Variants in SYNPR observed in about 807,000 individuals in gnomAD.
SYNPR encodes the protein synaptoporin.
Under a neutral mutation model 32.9 loss-of-function variants are expected in SYNPR, and 23 were observed. The observed-to-expected ratio is 0.70, with a 90% CI of 0.50 to 0.99. The LOEUF (loss-of-function observed/expected upper bound fraction) is 0.99. Ranked by LOEUF, SYNPR falls within the 50% of genes least tolerant of loss-of-function variation. The pLI is 0.00. For missense variants in SYNPR, 318 were observed against 349.3 expected, an observed-to-expected ratio of 0.91 and a Z score of 0.71; for synonymous variants, 146 against 135.9, an observed-to-expected ratio of 1.07 and a Z score of -0.52.
chr3:63,306,535 T>G (rs79873294), intron 2 of SYNPR, among the ~76,000 whole-genome samples: 3 of 115,958 alleles, frequency 2.6e-5, no homozygotes, highest in African/African-American at 9.8e-5. Flanking sequence ...TTACCAGTGA[T>G]TAAAAAAAAA....
At chr3:63,597,250 A>C (rs557402627) in intron 4 of SYNPR, among the ~76,000 whole-genome samples, 6 of 152,272 alleles carry the variant, frequency 3.9e-5, no homozygotes, top group African/African-American at 1.2e-4. Flanking sequence ...TCATTTTTAA[A>C]ATTTAAATAA....
intron 3 of SYNPR, among the ~76,000 whole-genome samples, chr3:63,506,284 T>A (rs187418198): frequency 2.0e-5 from 3 of 152,200 alleles, no homozygotes; most frequent in Non-Finnish European, 4.4e-5. Flanking sequence ...AGGTGACTGA[T>A]GGAGTACATA....
At chr3:63,499,623 CAA>C (rs1483735456) in intron 3 of SYNPR, among the ~76,000 whole-genome samples, 1 of 152,114 alleles carries the variant, frequency 6.6e-6, no homozygotes, top group Non-Finnish European at 1.5e-5. Context: ...ATCAGAGGAA[CAA>C]AGACACCTTG....
intron 2 of SYNPR, among the ~76,000 whole-genome samples, chr3:63,469,571 T>C (rs1196173834): frequency 6.6e-6 from 1 of 152,190 alleles, no homozygotes; most frequent in East Asian, 1.9e-4. Flanking sequence ...GTCAGAGAAA[T>C]GGTGTCAGCT....
chr3:63,602,570 C>T (rs927117316), intron 4 of SYNPR, among the ~76,000 whole-genome samples: 1 of 152,142 alleles, frequency 6.6e-6, no homozygotes, highest in African/African-American at 2.4e-5. Flanking sequence ...ATAGGGCTAG[C>T]CAGTTATCCT....
At chr3:63,334,892 T>C (rs1376113117) in intron 2 of SYNPR, among the ~76,000 whole-genome samples, 2 of 152,218 alleles carry the variant, frequency 1.3e-5, no homozygotes, top group Non-Finnish European at 2.9e-5. Flanking sequence ...CAGATACTTT[T>C]AAAACCTGAT....
At chr3:63,286,603 G>A (rs1225914081) in intron 2 of SYNPR, among the ~76,000 whole-genome samples, 1 of 152,212 alleles carries the variant, frequency 6.6e-6, no homozygotes, top group Non-Finnish European at 1.5e-5. Context: ...AAGAAAAACA[G>A]TCATGTGCTA....
At chr3:63,264,936 A>G (rs2086471046) in intron 2 of SYNPR, among the ~76,000 whole-genome samples, 1 of 150,880 alleles carries the variant, frequency 6.6e-6, no homozygotes, top group Non-Finnish European at 1.5e-5. Flanking sequence ...TGGGGGAGCC[A>G]TGATTCAATT....
Position 63,323,876 on chromosome 3 carries a change from G to A in SYNPR, c.84+45134G>A, listed in dbSNP as rs574931925. ...CATTTAATACTCACAACATTCCCAT[G>A]AGGCAGTTATTATTATTTCCATTTT... On this transcript the variant is annotated intron_variant, in intron 2 of 5. Coordinates refer to ENST00000478300, the MANE Select transcript of SYNPR (RefSeq NM_001130003.2). Among the ~76,000 whole-genome samples the A allele has an allele frequency of 3.3e-5, 5 of 152,098 alleles. No homozygotes were observed. The South Asian group carries it at 1.0e-3, about 32-fold the overall frequency.
At chr3:63,595,801 T>A (rs1177559374) in intron 4 of SYNPR, among the ~76,000 whole-genome samples, 9 of 38,334 alleles carry the variant, frequency 2.3e-4, no homozygotes, top group Non-Finnish European at 4.0e-4. Context: ...ATATATATAG[T>A]TATATATATA....
intron 1 of SYNPR, among the ~76,000 whole-genome samples, chr3:63,245,514 C>A (rs898442067): frequency 6.6e-6 from 1 of 151,788 alleles, no homozygotes; most frequent in Non-Finnish European, 1.5e-5. Context: ...ACTAACCTGT[C>A]CAGAATTGGG....
intron 4 of SYNPR, among the ~76,000 whole-genome samples, chr3:63,573,493 T>C (rs932646628): frequency 1.3e-5 from 2 of 152,160 alleles, no homozygotes; most frequent in African/African-American, 4.8e-5. Flanking sequence ...CCCCTCAATT[T>C]CTTGAAGCTT....
chr3:63,458,637 T>A (rs1450071277), intron 2 of SYNPR, among the ~76,000 whole-genome samples: 1 of 152,044 alleles, frequency 6.6e-6, no homozygotes, highest in African/African-American at 2.4e-5. Flanking sequence ...CACAAGCCCA[T>A]CCCAGATTCA....
chr3:63,321,844 C>T (rs776575531), intron 2 of SYNPR, among the ~76,000 whole-genome samples: 4 of 152,024 alleles, frequency 2.6e-5, no homozygotes, highest in African/African-American at 2.4e-5. Context: ...CTCTTTGCAC[C>T]GTACATTATA....
At chr3:63,260,321 T>C (rs1453061621) in intron 2 of SYNPR, among the ~76,000 whole-genome samples, 1 of 152,074 alleles carries the variant, frequency 6.6e-6, no homozygotes, top group Non-Finnish European at 1.5e-5. Flanking sequence ...CATCAAACTA[T>C]ACTACAAGGC....
intron 4 of SYNPR, among the ~76,000 whole-genome samples, chr3:63,598,804 G>A (rs1699997241): frequency 6.6e-6 from 1 of 152,112 alleles, no homozygotes; most frequent in Non-Finnish European, 1.5e-5. Flanking sequence ...GAGCAGAAAA[G>A]GTCTTCAAAG....
At chr3:63,271,952 G>A (rs1200083572) in intron 3 of SYNPR, among the ~76,000 whole-genome samples, 1 of 151,964 alleles carries the variant, frequency 6.6e-6, no homozygotes, top group Non-Finnish European at 1.5e-5. Context: ...ATGGCCTAGG[G>A]GTTCAAAGAG....
intron 2 of SYNPR, among the ~76,000 whole-genome samples, chr3:63,416,756 A>G (rs2088546909): frequency 1.3e-5 from 2 of 152,088 alleles, no homozygotes; most frequent in Admixed American, 6.5e-5. Context: ...GGCAGCAGGC[A>G]AAGAGCTTGT....
chr3:63,585,453 C>CT (rs972796319), intron 4 of SYNPR, among the ~76,000 whole-genome samples: 62 of 108,340 alleles, frequency 5.7e-4, no homozygotes, highest in African/African-American at 2.1e-3. Context: ...ATCCATGCCC[C>CT]CCCCCTCCGC....
Sources: allele counts gnomAD v4.1 joint callset (sites outside exome capture counted in the v4.1 genomes callset), GRCh38; gene constraint gnomAD v4.1.1; transcripts MANE v1.5; gene names NCBI Gene and HGNC (gene_info 2026-07-23, HGNC 2026-07-21).